Variants in CDH12 observed in about 807,000 individuals in gnomAD.
CDH12 encodes the protein cadherin-12.
A neutral mutation model predicts 74.1 loss-of-function variants in CDH12; 41 were observed. That is an observed-to-expected ratio of 0.55 (90% CI 0.43 to 0.72). The LOEUF (loss-of-function observed/expected upper bound fraction) is 0.72. CDH12 is among the 30% of genes least tolerant of loss of function. The probability of loss-of-function intolerance (pLI) is 0.00; values close to 1 mark genes in which losing one functional copy is unlikely to be tolerated. For missense variants in CDH12, 945 were observed against 977.2 expected (o/e 0.97, Z 0.44); for synonymous variants, 399 against 355.0 (o/e 1.12, Z -1.39).
intron 1 of CDH12, among the ~76,000 whole-genome samples, chr5:22,606,650 A>C (rs1481825969): frequency 6.6e-6 from 1 of 152,200 alleles, no homozygotes; most frequent in East Asian, 1.9e-4. Flanking sequence ...GAGTCAATTA[A>C]ACCTCTTTCC....
chr5:22,084,602 T>C (rs1742945657), intron 4 of CDH12, among the ~76,000 whole-genome samples: 1 of 152,206 alleles, frequency 6.6e-6, no homozygotes, highest in Admixed American at 6.5e-5. Context: ...TCCTCACTCC[T>C]GTCATTGTTT....
At chr5:22,163,229 G>A (rs566585603) in intron 4 of CDH12, among the ~76,000 whole-genome samples, 3 of 152,114 alleles carry the variant, frequency 2.0e-5, no homozygotes, top group Admixed American at 1.3e-4. Flanking sequence ...CTCGGCCCTC[G>A]TTTATCCTGT....
At chr5:21,851,663 C>T (rs1176440011) in intron 7 of CDH12, among the ~76,000 whole-genome samples, 2 of 151,120 alleles carry the variant, frequency 1.3e-5, no homozygotes, top group African/African-American at 2.4e-5. Flanking sequence ...ATAGTTAAGG[C>T]AAACAATTGT....
intron 2 of CDH12, among the ~76,000 whole-genome samples, chr5:22,449,106 AT>A (rs938568486): frequency 7.2e-5 from 11 of 151,884 alleles, no homozygotes; most frequent in Non-Finnish European, 1.5e-4. Context: ...TGCTTTGTTA[AT>A]TTTTTTGTTC....
intron 4 of CDH12, among the ~76,000 whole-genome samples, chr5:22,186,734 G>A (rs1189528670): frequency 6.6e-6 from 1 of 152,176 alleles, no homozygotes; most frequent in South Asian, 2.1e-4. Flanking sequence ...GCCTCCCAAA[G>A]TGCTGGGATT....
At chr5:22,791,955 AAAATT>A (rs1426751214) in intron 1 of CDH12, among the ~76,000 whole-genome samples, 2 of 152,194 alleles carry the variant, frequency 1.3e-5, no homozygotes, top group African/African-American at 4.8e-5. Context: ...TAACATTTCT[AAAATT>A]AACATACGTC....
chr5:22,125,252 C>T lies in CDH12; in HGVS notation c.-186-46390G>A, dbSNP rs566615765. ...ATTAGGTATTTGTCCTAATGCTCTC[C>T]CTCCCCTTGTCCCCCACTCCCCGAC... On this transcript the variant is annotated intron_variant, in intron 4 of 14. Transcript: ENST00000382254. 5.3e-5 allele frequency among the ~76,000 whole-genome samples: 8 copies of T among 152,102 alleles called. No homozygotes were observed. In the South Asian group the frequency reaches 1.7e-3, roughly 32 times the overall value.
chr5:22,241,579 T>A (rs1752754870), intron 3 of CDH12, among the ~76,000 whole-genome samples: 1 of 152,172 alleles, frequency 6.6e-6, no homozygotes, highest in African/African-American at 2.4e-5. Context: ...GTAATTCTTA[T>A]ATTTTCTGTA....
At chr5:22,542,029 C>T (rs922787360) in intron 1 of CDH12, among the ~76,000 whole-genome samples, 1 of 152,146 alleles carries the variant, frequency 6.6e-6, no homozygotes, top group African/African-American at 2.4e-5. Context: ...GTTGCTTTTA[C>T]AGATCACTTT....
chr5:22,285,532 A>C (rs1467489776), intron 3 of CDH12, among the ~76,000 whole-genome samples: 1 of 152,162 alleles, frequency 6.6e-6, no homozygotes, highest in Non-Finnish European at 1.5e-5. Context: ...ATTTCATAGT[A>C]TCATGAGAAT....
chr5:22,582,938 C>G (rs949389226), intron 1 of CDH12, among the ~76,000 whole-genome samples: 1 of 152,058 alleles, frequency 6.6e-6, no homozygotes, highest in African/African-American at 2.4e-5. Flanking sequence ...GTTTCTGGCT[C>G]TCTATTCAGG....
chr5:21,757,569 A>T (rs1175980739), intron 13 of CDH12, among the ~76,000 whole-genome samples: 1 of 152,220 alleles, frequency 6.6e-6, no homozygotes, highest in African/African-American at 2.4e-5. Context: ...TCTTTTCACT[A>T]AAAATACCTT....
chr5:22,418,524 G>A (rs775810496), intron 2 of CDH12, among the ~76,000 whole-genome samples: 7 of 152,062 alleles, frequency 4.6e-5, no homozygotes, highest in East Asian at 1.9e-4. Flanking sequence ...GTCTTGTGCC[G>A]GTTTTCAAAG....
At chr5:22,351,643 G>GA (rs377462864) in intron 3 of CDH12, among the ~76,000 whole-genome samples, 3 of 151,942 alleles carry the variant, frequency 2.0e-5, no homozygotes, top group Admixed American at 6.6e-5. Flanking sequence ...TATACTAATT[G>GA]AAAAAAATCA....
Position 22,017,256 on chromosome 5 carries a change from G to C in CDH12, c.232-41871C>G, listed in dbSNP as rs186995496. On this transcript the variant is annotated intron_variant, in intron 5 of 14. Coordinates refer to ENST00000382254, the MANE Select transcript of CDH12 (RefSeq NM_004061.5). ...CTTACAAAAACAGCTCAAAAAGACT[G>C]TTCTGAGGGTTGCTGGCAAAGAATT... Among the ~76,000 whole-genome samples, 195 of 152,152 alleles carry C rather than the reference G, an allele frequency of 1.3e-3. 4 individuals are homozygous for C. The highest frequency in any genetic ancestry group is 8.8e-5 in the Non-Finnish European group (6 of 68,014).
chr5:22,096,825 G>A (rs190610762), intron 4 of CDH12, among the ~76,000 whole-genome samples: 11 of 152,202 alleles, frequency 7.2e-5, no homozygotes, highest in South Asian at 4.1e-4. Context: ...TCACAAGGCC[G>A]TCTTATTCTC....
chr5:22,313,699 C>T (rs1347835346), intron 3 of CDH12, among the ~76,000 whole-genome samples: 1 of 152,046 alleles, frequency 6.6e-6, no homozygotes, highest in Admixed American at 6.6e-5. Context: ...GAACTGGTGG[C>T]CATTATGCTA....
intron 2 of CDH12, among the ~76,000 whole-genome samples, chr5:22,465,811 CA>C (rs1745703789): frequency 2.6e-5 from 4 of 152,174 alleles, no homozygotes; most frequent in Admixed American, 6.5e-5. Flanking sequence ...ATCCATTGCT[CA>C]CCATGTCCAT....
At chr5:22,452,983 A>T (rs528108304) in intron 2 of CDH12, among the ~76,000 whole-genome samples, 1 of 151,674 alleles carries the variant, frequency 6.6e-6, no homozygotes, top group Non-Finnish European at 1.5e-5. Flanking sequence ...ATGTGAAAAT[A>T]TGTTCAACAT....
Sources: allele counts gnomAD v4.1 joint callset (sites outside exome capture counted in the v4.1 genomes callset), GRCh38; gene constraint gnomAD v4.1.1; transcripts MANE v1.5; gene names NCBI Gene and HGNC (gene_info 2026-07-23, HGNC 2026-07-21).